The following CES5A variants were observed in gnomAD, a reference collection of about 807,000 sequenced individuals.
CES5A encodes the protein carboxylesterase 5A.
CES5A carries 67 observed loss-of-function variants against 62.9 expected under a neutral mutation model. That is an observed-to-expected ratio of 1.07 (90% CI 0.88 to 1.31). The LOEUF (loss-of-function observed/expected upper bound fraction) is 1.31, where lower values mean the gene tolerates loss of function less well. Among genes scored for constraint, CES5A ranks in the 50% most tolerant of loss-of-function variants. The pLI is 0.00. For synonymous variants in CES5A, 296 were observed against 280.8 expected (o/e 1.05, Z -0.54); for missense variants, 748 against 708.5 (o/e 1.06, Z -0.63).
chr16:55,875,009 A>G (rs2033668472), intron 1 of CES5A, 140 bp downstream of exon 1: 1 of 886,416 alleles, frequency 1.1e-6, no homozygotes, highest in South Asian at 1.4e-5. Context: ...CGGCAACAGC[A>G]GAATACTGAT....
intron 4 of CES5A, among the ~76,000 whole-genome samples, chr16:55,868,698 C>T (rs1234115503): frequency 6.6e-6 from 1 of 152,126 alleles, no homozygotes; most frequent in African/African-American, 2.4e-5. Context: ...GACAGTGACC[C>T]GCAAGCATAA....
rs114783773 is a variant in CES5A, at chr16:55,873,914, G to C, written c.197C>G (p.Pro66Arg). The C allele has an allele frequency of 1.5e-5, 24 of 1,613,728 alleles. No homozygotes were observed. Among genetic ancestry groups the C allele is most frequent in the Non-Finnish European group, 1.5e-5 (18 of 1,179,972 alleles). Residue 66 changes from proline (P) to arginine (R), a missense_variant, in exon 2 of 13, where the codon CCG (proline) becomes CGG (arginine). By Grantham distance (103) the Pro-to-Arg change is moderately radical. Transcript: ENST00000290567. ...VFLGVPFAAPPLGSLRFTNPQ... is the reference protein window; with the variant it reads ...VFLGVPFAAPRLGSLRFTNPQ... ...GTTCGTAAATCGCAGGGATCCCAGC[G>C]GGGGAGCAGCAAAGGGGACTCCGAG...
rs201764615 is a variant in CES5A at position 55,849,690 on chromosome 16, C to T, written c.1357G>A (p.Asp453Asn). 3.7e-5 allele frequency: 59 copies of T among 1,613,994 alleles called. No homozygotes were observed. In the African/African-American group the frequency reaches 6.5e-4, roughly 18 times the overall value. ...EDTKPAFVKA[D>N]HADEVRFVFG... ...ACAAAGCGGACTTCATCAGCGTGGT[C>T]GGCTTTGACAAAAGCTGGCTTCGTG... is the stretch of plus-strand genomic sequence containing the variant. The change falls in exon 11 of 13, where the codon GAC becomes AAC. Residue 453 changes from aspartate (D) to asparagine (N), a missense_variant. Asp to Asn is a conservative substitution (Grantham distance 23). Transcript: ENST00000290567.
intron 1 of CES5A, among the ~76,000 whole-genome samples, chr16:55,881,446 A>G (rs1439859757): frequency 6.6e-6 from 1 of 152,196 alleles, no homozygotes; most frequent in Non-Finnish European, 1.5e-5. Context: ...ACTGGGTAGG[A>G]GAGAATTTAT....
At chr16:55,915,158 A>G (rs779875594) in intron 1 of CES5A, among the ~76,000 whole-genome samples, 4 of 151,970 alleles carry the variant, frequency 2.6e-5, no homozygotes, top group African/African-American at 9.7e-5. Flanking sequence ...CCCCAAACAC[A>G]CACCAGGTAC....
intron 2 of CES5A, among the ~76,000 whole-genome samples, chr16:55,943,321 G>T (rs2034463622): frequency 6.6e-6 from 1 of 152,206 alleles, no homozygotes; most frequent in Admixed American, 6.5e-5. Flanking sequence ...TAAACTGCGA[G>T]AGATCAGAAT....
chr16:55,939,517 C>G (rs886141077), intron 2 of CES5A, among the ~76,000 whole-genome samples: 1 of 151,936 alleles, frequency 6.6e-6, no homozygotes, highest in Non-Finnish European at 1.5e-5. Flanking sequence ...TATTCTAGGA[C>G]CAGAAGATGA....
At chr16:55,951,970 A>G (rs2034562345) in intron 1 of CES5A, among the ~76,000 whole-genome samples, 2 of 152,272 alleles carry the variant, frequency 1.3e-5, no homozygotes, top group Middle Eastern at 3.4e-3. Context: ...ATAGACATAG[A>G]TGTTAAGAAG....
chr16:55,938,300 A>T (rs1188049015), intron 2 of CES5A, among the ~76,000 whole-genome samples: 1 of 152,084 alleles, frequency 6.6e-6, no homozygotes, highest in African/African-American at 2.4e-5. Context: ...CCATACTGAG[A>T]CCCAGCTTCT....
In CES5A at chr16:55,846,550, G is replaced by A. The variant is rs1454361017; in HGVS notation, c.1629C>T (p.Ile543=). Residue 543 remains isoleucine, a synonymous_variant, in exon 13 of 13, where the codon ATC becomes ATT. Transcript: ENST00000290567. ...TGTCGGAGGCAGACAGGATCAGGGG[G>A]ATGGTGCTGGTCCAAAAATCCACCC... ...EPRVDFWTST[I]PLILSASDML... The A allele has an allele frequency of 6.2e-7, 1 of 1,614,026 alleles. No homozygotes were observed. Among genetic ancestry groups the A allele is most frequent in the African/African-American group, 1.3e-5 (1 of 74,910 alleles).
At chr16:55,908,858 G>A (rs568744470) in intron 1 of CES5A, among the ~76,000 whole-genome samples, 18 of 152,308 alleles carry the variant, frequency 1.2e-4, no homozygotes, top group African/African-American at 4.3e-4. Flanking sequence ...CACCTGCAGT[G>A]GACATGGTCA....
intron 1 of CES5A, among the ~76,000 whole-genome samples, chr16:55,914,714 A>G (rs1442184195): frequency 1.3e-5 from 2 of 152,174 alleles, no homozygotes; most frequent in Non-Finnish European, 2.9e-5. Context: ...GCAGGGAGGA[A>G]TTGCTGTCCC....
intron 1 of CES5A, among the ~76,000 whole-genome samples, chr16:55,906,531 C>T (rs1416601357): frequency 6.6e-6 from 1 of 152,168 alleles, no homozygotes; most frequent in African/African-American, 2.4e-5. Context: ...CAATGTAGTT[C>T]CTTCATGTCA....
At chr16:55,941,154 A>G (rs1207099637) in intron 2 of CES5A, among the ~76,000 whole-genome samples, 12 of 152,038 alleles carry the variant, frequency 7.9e-5, no homozygotes, top group Admixed American at 5.2e-4. Flanking sequence ...GCTATTTGCA[A>G]TAAGCAGAGA....
rs867646548 is a variant in CES5A, at chr16:55,849,623, C to T, written c.1423+1G>A. 3 of 1,613,726 alleles carry T rather than the reference C, an allele frequency of 1.9e-6. No individual in the cohort carries two copies. Among genetic ancestry groups the T allele is most frequent in the East Asian group, 2.2e-5 (1 of 44,876 alleles). The stretch of plus-strand genomic sequence containing the variant: ...ACTGTGGGAAGTGGCCAGTCCCTTA[C>T]CGAACATAACAATGTCCCCCTTCAG... On this transcript the variant is annotated splice_donor_variant, in intron 11 of 12. Transcript: ENST00000290567. LOFTEE classifies it high-confidence loss of function.
chr16:55,853,094 C>A, intron 9 of CES5A, 66 bp from the exon 10 acceptor site: 1 of 1,527,214 alleles, frequency 6.5e-7, no homozygotes, highest in South Asian at 1.2e-5. Flanking sequence ...TAAACACTCA[C>A]CTGTGCAGGT....
chr16:55,875,028 A>G, intron 1 of CES5A, 121 bp downstream of exon 1: 1 of 990,922 alleles, frequency 1.0e-6, no homozygotes. Context: ...ATGCCATCAA[A>G]GTACTACATA....
chr16:55,907,367 C>T (rs527838550), intron 1 of CES5A, among the ~76,000 whole-genome samples: 5 of 152,368 alleles, frequency 3.3e-5, no homozygotes, highest in Non-Finnish European at 7.3e-5. Context: ...GGGAAATAGA[C>T]TTCCACGTTC....
intron 1 of CES5A, among the ~76,000 whole-genome samples, chr16:55,912,059 C>T (rs1434328842): frequency 6.6e-6 from 1 of 152,206 alleles, no homozygotes; most frequent in Non-Finnish European, 1.5e-5. Flanking sequence ...ATGCTGTCAG[C>T]TCACAGGCCT....
Sources: allele counts gnomAD v4.1 joint callset (sites outside exome capture counted in the v4.1 genomes callset), GRCh38; gene constraint gnomAD v4.1.1; transcripts MANE v1.5; gene names NCBI Gene and HGNC (gene_info 2026-07-23, HGNC 2026-07-21).